Variants in CASZ1 observed in about 807,000 individuals in gnomAD.
CASZ1 encodes the protein zinc finger protein castor homolog 1.
In CASZ1, 28 loss-of-function variants were observed where a neutral mutation model predicts 135.2. The observed-to-expected ratio is 0.21, with a 90% CI of 0.15 to 0.28. CASZ1 has a LOEUF of 0.28. Ranked by LOEUF, CASZ1 falls within the 10% of genes least tolerant of loss-of-function variation. The pLI is 1.00. For missense variants in CASZ1, 2,161 were observed against 2,453.3 expected (o/e 0.88, Z 2.52); for synonymous variants, 1,068 against 1,073.4 (o/e 0.99, Z 0.10).
rs370199111 is a variant in CASZ1 at position 10,721,932 on chromosome 1, C to T, written c.-76-16388G>A. Among the ~76,000 whole-genome samples the T allele has an allele frequency of 5.9e-5, 9 of 152,388 alleles. No individual in the cohort carries two copies. The East Asian group carries it at 1.7e-3, about 29-fold the overall frequency. On this transcript the variant is annotated intron_variant, in intron 2 of 20. Coordinates refer to ENST00000377022, the MANE Select transcript of CASZ1 (RefSeq NM_001079843.3). This position sits in a 1 kb window ranked among gnomAD's most constrained non-coding sequence, Gnocchi z 5.4. ...GCCCAGCTGCCACTCCCACCTGTCT[C>T]TTCCTGTGTTTCTCCTGCTGTATCT...
rs775955020 is a variant in CASZ1 at position 10,639,556 on chromosome 1, C to G, written c.4666G>C (p.Asp1556His). ...TACTTGCAGTCGGGCACGGCGCAGT[C>G]GGCGCTGGAGCTGAACTGGCAGAAG... The part of the protein sequence containing the change: ...AGFCQFSSSA[D>H]CAVPDCKYKL... The change falls in exon 21 of 21, where the codon GAC becomes CAC. Residue 1556 changes from aspartate to histidine, a missense_variant. Physicochemically the swap from Asp to His is moderately conservative, Grantham distance 81 (BLOSUM62 -1). Around this residue, in one of 7 missense-constraint regions of CASZ1, gnomAD observed 240 missense variants for 321.4 expected, o/e 0.75. Coordinates refer to ENST00000377022, the MANE Select transcript of CASZ1 (RefSeq NM_001079843.3). This position sits in a 1 kb window ranked among gnomAD's most constrained non-coding sequence, Gnocchi z 4.0. 2.5e-6 allele frequency: 4 copies of G among 1,610,712 alleles called. No individual in the cohort carries two copies. The highest frequency in any genetic ancestry group is 3.4e-6 in the Non-Finnish European group (4 of 1,178,524).
intron 4 of CASZ1, among the ~76,000 whole-genome samples, chr1:10,685,448 T>C (rs954706970): frequency 6.6e-6 from 1 of 152,224 alleles, no homozygotes; most frequent in Admixed American, 6.5e-5. Flanking sequence ...TCTAGGCCCA[T>C]TCCCAAGACG....
At chr1:10,656,597 A>C (rs750136096) in intron 8 of CASZ1, 49 bp downstream of exon 8, 1 of 1,412,090 alleles carries the variant, frequency 7.1e-7, no homozygotes, top group Non-Finnish European at 9.8e-7. Context: ...AAGCGCCTCC[A>C]TGCTGTGCTG....
chr1:10,662,259 CCACACA>C (rs528679165), intron 5 of CASZ1, among the ~76,000 whole-genome samples: 1 of 136,508 alleles, frequency 7.3e-6, no homozygotes, highest in African/African-American at 2.9e-5. Flanking sequence ...CCACCCACCC[CCACACA>C]CAGTCACATG....
At position 10,757,775 on chromosome 1, in the gene CASZ1, G is replaced by A. The variant is rs1317986590; in HGVS notation, c.-77+2926C>T. 6.6e-6 allele frequency among the ~76,000 whole-genome samples: 1 copy of A among 152,170 alleles called. No homozygotes were observed. Among genetic ancestry groups the A allele is most frequent in the African/African-American group, 2.4e-5 (1 of 41,432 alleles). ...TGCACTCCAGCCTGGGTGACAGAGT[G>A]AGACTCCATCTCAAACAAAAAACAA... is the stretch of plus-strand genomic sequence containing the variant. On this transcript the variant is annotated intron_variant, in intron 2 of 20. Transcript: ENST00000377022. This position sits in a 1 kb window ranked among gnomAD's most constrained non-coding sequence, Gnocchi z 4.6.
rs1639593756 is a variant in CASZ1, at chr1:10,726,178, G to A, written c.-76-20634C>T. ...CCATTAATTGTTAGTGTTTATGGAG[G>A]GCTGACCGCGTCCCAGGCAGAGTGA... On this transcript the variant is annotated intron_variant, in intron 2 of 20. Coordinates refer to ENST00000377022, the MANE Select transcript of CASZ1 (RefSeq NM_001079843.3). The surrounding 1 kb of genome is among the most constrained non-coding windows in gnomAD (Gnocchi z 5.7). Among the ~76,000 whole-genome samples the A allele has an allele frequency of 1.3e-5, 2 of 152,166 alleles. No individual in the cohort carries two copies. Among genetic ancestry groups the A allele is most frequent in the South Asian group, 2.1e-4 (1 of 4,826 alleles).
intron 4 of CASZ1, among the ~76,000 whole-genome samples, chr1:10,667,322 GC>G (rs1407353121): frequency 3.3e-5 from 5 of 152,296 alleles, no homozygotes; most frequent in African/African-American, 1.2e-4. Flanking sequence ...GCCCAGCCAG[GC>G]CCACTGCCAG....
rs1639200728 is a variant in CASZ1, at chr1:10,707,493, A to G, written c.-76-1949T>C. On this transcript the variant is annotated intron_variant, in intron 2 of 20. Coordinates refer to ENST00000377022, the MANE Select transcript of CASZ1 (RefSeq NM_001079843.3). This position sits in a 1 kb window ranked among gnomAD's most constrained non-coding sequence, Gnocchi z 5.0. Reference sequence around the variant, plus strand: ...GAGCAACTTGCAGATCTGATCACACAGAACAATCAGGGAGGAAACTTTCCA... The same window carrying G: ...GAGCAACTTGCAGATCTGATCACACGGAACAATCAGGGAGGAAACTTTCCA... Among the ~76,000 whole-genome samples the G allele has an allele frequency of 6.6e-6, 1 of 152,100 alleles. No individual in the cohort carries two copies. Among genetic ancestry groups the G allele is most frequent in the Non-Finnish European group, 1.5e-5 (1 of 68,022 alleles).
chr1:10,752,861 C>T (rs1640174789), intron 2 of CASZ1, among the ~76,000 whole-genome samples: 1 of 152,120 alleles, frequency 6.6e-6, no homozygotes, highest in African/African-American at 2.4e-5. Flanking sequence ...CATGGTGAAA[C>T]CCCGACTCTA....
At chr1:10,779,457 G>C (rs1640723305) in intron 1 of CASZ1, among the ~76,000 whole-genome samples, 1 of 152,078 alleles carries the variant, frequency 6.6e-6, no homozygotes, top group African/African-American at 2.4e-5. Context: ...GGGGCCGTGG[G>C]TGCAGGCGCC....
intron 2 of CASZ1, among the ~76,000 whole-genome samples, chr1:10,713,803 G>C (rs80324101): frequency 0.017 from 2,613 of 152,202 alleles, 86 homozygotes; most frequent in African/African-American, 0.06. Context: ...GAGCCCTGCC[G>C]GGTTGGCATT....
intron 2 of CASZ1, among the ~76,000 whole-genome samples, chr1:10,715,146 G>C (rs1639354550): frequency 6.6e-6 from 1 of 152,158 alleles, no homozygotes; most frequent in African/African-American, 2.4e-5. Context: ...CCAACTCTGG[G>C]CTCCGCATAA....
intron 4 of CASZ1, among the ~76,000 whole-genome samples, chr1:10,669,885 T>C (rs1044348758): frequency 2.0e-5 from 3 of 152,198 alleles, no homozygotes; most frequent in African/African-American, 7.2e-5. Flanking sequence ...CTTTATGGGC[T>C]CTGCTTGGTG....
intron 2 of CASZ1, among the ~76,000 whole-genome samples, chr1:10,746,235 C>A (rs904192136): frequency 1.3e-5 from 2 of 152,054 alleles, no homozygotes; most frequent in Admixed American, 1.3e-4. Flanking sequence ...GAGGGAAGGG[C>A]CTCATTACAC....
intron 4 of CASZ1, among the ~76,000 whole-genome samples, chr1:10,684,068 C>T (rs188728632): frequency 6.6e-6 from 1 of 152,280 alleles, no homozygotes; most frequent in Admixed American, 6.5e-5. Flanking sequence ...CCAGCTTCCC[C>T]ACTTAGGAAA....
chr1:10,706,437 C>T lies in CASZ1; in HGVS notation c.-76-893G>A, dbSNP rs1268211568. Among the ~76,000 whole-genome samples, 2 of 152,138 alleles carry T rather than the reference C, an allele frequency of 1.3e-5. No homozygotes were observed. Among genetic ancestry groups the T allele is most frequent in the African/African-American group, 4.8e-5 (2 of 41,428 alleles). On this transcript the variant is annotated intron_variant, in intron 2 of 20. Coordinates refer to ENST00000377022, the MANE Select transcript of CASZ1 (RefSeq NM_001079843.3). This position sits in a 1 kb window ranked among gnomAD's most constrained non-coding sequence, Gnocchi z 4.3. Reference sequence around the variant, plus strand: ...CAGGCTTGGGGAGGGCTGTCTGTTACGTTTTCTTCTCCCCCTCCCTCATTT... The same window carrying T: ...CAGGCTTGGGGAGGGCTGTCTGTTATGTTTTCTTCTCCCCCTCCCTCATTT...
At position 10,735,171 on chromosome 1, in the gene CASZ1, G is replaced by A. The variant is rs889477246; in HGVS notation, c.-77+25530C>T. ...AGTAACTGAATTTTGATGAAAAGAC[G>A]GCGGTAATTTACGGCATCACAAAAT... is the stretch of plus-strand genomic sequence containing the variant. On this transcript the variant is annotated intron_variant, in intron 2 of 20. Transcript: ENST00000377022. This position sits in a 1 kb window ranked among gnomAD's most constrained non-coding sequence, Gnocchi z 5.1. 1.3e-5 allele frequency among the ~76,000 whole-genome samples: 2 copies of A among 152,194 alleles called. No homozygotes were observed. Among genetic ancestry groups the A allele is most frequent in the African/African-American group, 4.8e-5 (2 of 41,448 alleles).
At position 10,656,755 on chromosome 1, in the gene CASZ1, G is replaced by A. The variant is rs1642811774; in HGVS notation, c.1410-19C>T. Reference sequence around the variant, plus strand: ...CGAGAACCTGGAGGGAGGAGGGGTGGGGTCAGGGCCCTGCTGTGGGTGACA... The same window carrying A: ...CGAGAACCTGGAGGGAGGAGGGGTGAGGTCAGGGCCCTGCTGTGGGTGACA... On this transcript the variant is annotated intron_variant, in intron 7 of 20. Transcript: ENST00000377022. The A allele has an allele frequency of 6.5e-7, 1 of 1,536,766 alleles. No individual in the cohort carries two copies. The highest frequency in any genetic ancestry group is 1.4e-5 in the African/African-American group (1 of 73,610).
intron 1 of CASZ1, among the ~76,000 whole-genome samples, chr1:10,782,935 T>C (rs1465286167): frequency 6.6e-6 from 1 of 151,562 alleles, no homozygotes; most frequent in Non-Finnish European, 1.5e-5. Flanking sequence ...GGGTGGAGGG[T>C]GGGGGAAGCT....
Sources: gnomAD v4.1 joint callset for allele counts (sites outside exome capture counted in the v4.1 genomes callset) on GRCh38, gnomAD v4.1.1 for gene constraint, gnomAD v4.1.1 regional missense constraint, Gnocchi (gnomAD v3.1) non-coding constraint, MANE v1.5 for transcripts, NCBI Gene and HGNC (gene_info 2026-07-23, HGNC 2026-07-21) for gene names.